The following RGL1 variants were observed in gnomAD, a reference collection of about 807,000 sequenced individuals.
RGL1 encodes the protein ral guanine nucleotide dissociation stimulator like 1.
RGL1 carries 24 observed loss-of-function variants against 95.2 expected under a neutral mutation model. The ratio of observed to expected loss-of-function variants is 0.25; its 90% CI spans 0.18 to 0.35. RGL1 has a LOEUF of 0.35. Among genes scored for constraint, RGL1 ranks in the 10% least tolerant of loss-of-function variants. The probability of loss-of-function intolerance (pLI) is 1.00; values close to 1 mark genes in which losing one functional copy is unlikely to be tolerated. For missense variants in RGL1, 715 were observed against 936.3 expected (o/e 0.76, Z 3.08); for synonymous variants, 329 against 344.9 (o/e 0.95, Z 0.51).
chr1:183,852,541 T>G (rs1028727809), intron 3 of RGL1, among the ~76,000 whole-genome samples: 1 of 152,152 alleles, frequency 6.6e-6, no homozygotes, highest in African/African-American at 2.4e-5. Context: ...TGGCCAGGCG[T>G]GGTGGCTCAC....
chr1:183,739,088 A>T (rs2102249308), intron 1 of RGL1, among the ~76,000 whole-genome samples: 1 of 152,364 alleles, frequency 6.6e-6, no homozygotes, highest in South Asian at 2.1e-4. Flanking sequence ...ACCAAGCATG[A>T]GGCTCTTCTG....
chr1:183,728,130 A>C (rs1656417291), intron 1 of RGL1, among the ~76,000 whole-genome samples: 1 of 152,204 alleles, frequency 6.6e-6, no homozygotes, highest in Non-Finnish European at 1.5e-5. Context: ...GGTCTCCTGC[A>C]GTCAGACTGG....
At position 183,765,098 on chromosome 1, in the gene RGL1, G is replaced by T. The variant is rs559750261; in HGVS notation, c.132+22809G>T. Among the ~76,000 whole-genome samples the T allele has an allele frequency of 9.3e-4, 142 of 152,262 alleles. 1 individual carries two copies. Among genetic ancestry groups the T allele is most frequent in the Non-Finnish European group, 1.8e-3 (120 of 68,012 alleles). The stretch of plus-strand genomic sequence containing the variant: ...TTGTGGTTCCTGGGCCTGCCAGGAA[G>T]GTGACTCTCTACTTACCACAGGCCA... On this transcript the variant is annotated intron_variant, in intron 2 of 18. Transcript: ENST00000304685.
chr1:183,808,020 C>T (rs763402996), intron 2 of RGL1, among the ~76,000 whole-genome samples: 58 of 152,154 alleles, frequency 3.8e-4, no homozygotes, highest in Non-Finnish European at 6.0e-4. Flanking sequence ...AGGGTCATTA[C>T]ATTTTTTTGG....
chr1:183,847,866 G>A (rs188417282), intron 3 of RGL1, 92 bp downstream of exon 3: 122 of 913,590 alleles, frequency 1.3e-4, no homozygotes, highest in Admixed American at 2.1e-5. Flanking sequence ...CTTGGTATTC[G>A]GAGAGAGATA....
At chr1:183,647,775 A>G in intron 1 of RGL1, 1 of 1,614,180 alleles carries the variant, frequency 6.2e-7, no homozygotes, top group East Asian at 2.2e-5. Context: ...TCCAGTGGGA[A>G]GCCTTCCAAG....
intron 1 of RGL1, among the ~76,000 whole-genome samples, chr1:183,712,104 C>G (rs1432577803): frequency 6.6e-6 from 1 of 152,188 alleles, no homozygotes; most frequent in South Asian, 2.1e-4. Flanking sequence ...CTAAGAGACC[C>G]AGTGAGGGGC....
intron 1 of RGL1, among the ~76,000 whole-genome samples, chr1:183,662,738 G>T (rs1651734154): frequency 6.6e-6 from 1 of 152,148 alleles, no homozygotes; most frequent in South Asian, 2.1e-4. Context: ...AACCAAAAAA[G>T]AGCCCGCATT....
intron 1 of RGL1, among the ~76,000 whole-genome samples, chr1:183,651,078 A>T (rs1384752519): frequency 1.3e-5 from 2 of 152,100 alleles, no homozygotes; most frequent in Non-Finnish European, 2.9e-5. Flanking sequence ...CAGCCTTTTA[A>T]TTATGCCAAT....
At chr1:183,694,358 G>A (rs1318595138) in intron 1 of RGL1, among the ~76,000 whole-genome samples, 1 of 152,166 alleles carries the variant, frequency 6.6e-6, no homozygotes, top group African/African-American at 2.4e-5. Context: ...GCCAGACTGA[G>A]TGAATGAAAG....
intron 2 of RGL1, among the ~76,000 whole-genome samples, chr1:183,773,714 C>T (rs1025897949): frequency 3.3e-5 from 5 of 152,226 alleles, no homozygotes; most frequent in African/African-American, 9.6e-5. Context: ...CTCTGATTTA[C>T]CCTTGTGGTC....
intron 9 of RGL1, among the ~76,000 whole-genome samples, chr1:183,896,230 T>G (rs566474441): frequency 6.6e-6 from 1 of 152,308 alleles, no homozygotes; most frequent in African/African-American, 2.4e-5. Context: ...GCTTTCTTTT[T>G]TTTAGAGGTG....
intron 1 of RGL1, among the ~76,000 whole-genome samples, chr1:183,678,309 T>G (rs770471608): frequency 4.6e-5 from 7 of 152,206 alleles, no homozygotes; most frequent in Non-Finnish European, 1.0e-4. Flanking sequence ...TTCCATAGAT[T>G]TATATTCTTC....
chr1:183,911,499 C>T (rs774761240), intron 14 of RGL1, among the ~76,000 whole-genome samples: 2 of 152,220 alleles, frequency 1.3e-5, no homozygotes, highest in Non-Finnish European at 2.9e-5. Context: ...TCCCACTCCC[C>T]CACCAGAGCA....
intron 4 of RGL1, among the ~76,000 whole-genome samples, chr1:183,866,766 T>A (rs1215151519): frequency 6.6e-6 from 1 of 152,230 alleles, no homozygotes; most frequent in Non-Finnish European, 1.5e-5. Context: ...AGACCCGCTC[T>A]GGCTCTGTGT....
At chr1:183,723,838 G>C (rs1656158885) in intron 1 of RGL1, among the ~76,000 whole-genome samples, 1 of 152,182 alleles carries the variant, frequency 6.6e-6, no homozygotes, top group Non-Finnish European at 1.5e-5. Context: ...GGCCAAGAGA[G>C]TGCTTATGCC....
At chr1:183,679,188 C>T (rs1469826700) in intron 1 of RGL1, among the ~76,000 whole-genome samples, 1 of 152,160 alleles carries the variant, frequency 6.6e-6, no homozygotes, top group Non-Finnish European at 1.5e-5. Context: ...TTATAATTCA[C>T]ATCCGAAAGC....
chr1:183,808,157 A>G (rs1010886536), intron 2 of RGL1, among the ~76,000 whole-genome samples: 2 of 152,230 alleles, frequency 1.3e-5, no homozygotes, highest in Admixed American at 1.3e-4. Context: ...TGTAGGCCCC[A>G]CATCTACAAA....
chr1:183,706,082 A>T (rs900157079), intron 1 of RGL1, among the ~76,000 whole-genome samples: 1 of 152,128 alleles, frequency 6.6e-6, no homozygotes, highest in Non-Finnish European at 1.5e-5. Context: ...GAGTAGAAGA[A>T]AGTTAGAAGC....
Sources: gnomAD v4.1 joint callset for allele counts (sites outside exome capture counted in the v4.1 genomes callset) on GRCh38, gnomAD v4.1.1 for gene constraint, MANE v1.5 for transcripts, NCBI Gene and HGNC (gene_info 2026-07-23, HGNC 2026-07-21) for gene names.